NFIB: variants seen among roughly 807,000 people sequenced by gnomAD.
NFIB encodes the protein nuclear factor I B.
In NFIB, 11 loss-of-function variants were observed where a neutral mutation model predicts 61.5. The observed-to-expected ratio is 0.18, with a 90% CI of 0.11 to 0.30. The LOEUF is 0.30. Among genes scored for constraint, NFIB ranks in the 10% least tolerant of loss-of-function variants. The pLI, the probability that NFIB is intolerant of heterozygous loss-of-function variation, is 1.00. For synonymous variants in NFIB, 260 were observed against 216.5 expected, an observed-to-expected ratio of 1.20 and a Z score of -1.76; for missense variants, 471 against 608.9, an observed-to-expected ratio of 0.77 and a Z score of 2.38.
chr9:14,509,123 C>T, the NFIB span, among the ~76,000 whole-genome samples: 3 of 152,176 alleles, frequency 2.0e-5, no homozygotes, highest in East Asian at 3.9e-4. Flanking sequence ...TTGTGTTGGA[C>T]ACTGATGTTG....
At chr9:14,420,441 G>A in the NFIB span, among the ~76,000 whole-genome samples, 105 of 34,376 alleles carry the variant, frequency 3.1e-3, no homozygotes, top group Non-Finnish European at 3.9e-3. Flanking sequence ...GCGAGACTCC[G>A]TCTCAAAAAA....
At chr9:14,228,851 C>T (rs929128400) in intron 2 of NFIB, among the ~76,000 whole-genome samples, 5 of 152,062 alleles carry the variant, frequency 3.3e-5, no homozygotes, top group African/African-American at 9.7e-5. Flanking sequence ...AATTTAATGC[C>T]ATGTTCCAGG....
upstream of NFIB, among the ~76,000 whole-genome samples, chr9:14,403,133 T>C (rs1209384888): frequency 6.6e-6 from 1 of 152,202 alleles, no homozygotes; most frequent in Non-Finnish European, 1.5e-5. Context: ...TTCTTGCACC[T>C]TTATCCCAGC....
chr9:14,093,940 T>C (rs561898081), intron 10 of NFIB, among the ~76,000 whole-genome samples: 66 of 152,264 alleles, frequency 4.3e-4, no homozygotes, highest in African/African-American at 1.4e-3. Flanking sequence ...CTAGCACTTA[T>C]ATAATGTGTA....
upstream of NFIB, among the ~76,000 whole-genome samples, chr9:14,402,959 A>C (rs1269586577): frequency 1.3e-5 from 2 of 152,234 alleles, no homozygotes; most frequent in East Asian, 3.8e-4. Flanking sequence ...TCCAGTGCTT[A>C]CTCAAATATG....
chr9:14,517,354 C>T, the NFIB span, among the ~76,000 whole-genome samples: 2 of 152,208 alleles, frequency 1.3e-5, no homozygotes, highest in Non-Finnish European at 2.9e-5. Flanking sequence ...TACCTGCTTT[C>T]TGTACCCTTT....
the NFIB span, among the ~76,000 whole-genome samples, chr9:14,435,815 C>T: frequency 1.3e-5 from 2 of 152,206 alleles, no homozygotes; most frequent in East Asian, 3.8e-4. Flanking sequence ...GTTAAAACCT[C>T]ATCGGCCTCA....
upstream of NFIB, among the ~76,000 whole-genome samples, chr9:14,318,932 T>TA (rs2060602103): frequency 6.6e-6 from 1 of 152,150 alleles, no homozygotes; most frequent in Non-Finnish European, 1.5e-5. Context: ...CTACTACTCT[T>TA]AAACAAAAAA....
chr9:14,531,202 T>G, the NFIB span, among the ~76,000 whole-genome samples: 2 of 152,300 alleles, frequency 1.3e-5, no homozygotes, highest in African/African-American at 4.8e-5. Flanking sequence ...TGTTAAAAGT[T>G]GAGTCACAGG....
At chr9:14,470,640 G>A in the NFIB span, among the ~76,000 whole-genome samples, 1 of 152,126 alleles carries the variant, frequency 6.6e-6, no homozygotes, top group Non-Finnish European at 1.5e-5. Context: ...GAGGGCACGA[G>A]CAGACACGCA....
chr9:14,161,835 A>G (rs1479404880), intron 3 of NFIB, among the ~76,000 whole-genome samples: 1 of 152,162 alleles, frequency 6.6e-6, no homozygotes, highest in Admixed American at 6.6e-5. Context: ...AACTCTTTTA[A>G]AACTCTTGGT....
At chr9:14,133,209 CAAAAACTCTGAATATTG>C (rs1470909531) in intron 6 of NFIB, among the ~76,000 whole-genome samples, 1 of 151,938 alleles carries the variant, frequency 6.6e-6, no homozygotes, top group Non-Finnish European at 1.5e-5. Context: ...TCTAGATAAA[CAAAAACTCTGAATATTG>C]AAAACCTCTT....
At chr9:14,206,094 C>A (rs993243618) in intron 2 of NFIB, among the ~76,000 whole-genome samples, 1 of 151,924 alleles carries the variant, frequency 6.6e-6, no homozygotes, top group African/African-American at 2.4e-5. Flanking sequence ...TAATAATGGG[C>A]CACTCTTAAC....
At chr9:14,373,720 A>T (rs933522474) in intron 1 of NFIB, among the ~76,000 whole-genome samples, 14 of 151,736 alleles carry the variant, frequency 9.2e-5, no homozygotes, top group African/African-American at 3.4e-4. Flanking sequence ...GTGAAAAGGA[A>T]CACCTGAAGT....
chr9:14,093,771 G>A (rs1314467818), intron 10 of NFIB, among the ~76,000 whole-genome samples: 3 of 152,060 alleles, frequency 2.0e-5, no homozygotes, highest in Non-Finnish European at 1.5e-5. Context: ...GTACATGGGT[G>A]CATTCGGACT....
At chr9:14,249,556 C>T (rs1253105058) in intron 2 of NFIB, among the ~76,000 whole-genome samples, 1 of 151,920 alleles carries the variant, frequency 6.6e-6, no homozygotes, top group Non-Finnish European at 1.5e-5. Context: ...TTGTTTTCTC[C>T]CATTATCTTA....
the NFIB span, among the ~76,000 whole-genome samples, chr9:14,519,008 A>G: frequency 2.6e-5 from 4 of 152,104 alleles, no homozygotes; most frequent in African/African-American, 9.7e-5. Flanking sequence ...TGTGGGTGAA[A>G]TCATCTTTGA....
rs2060368735 is a variant in NFIB at position 14,313,211 on chromosome 9, G to A, written c.30+271C>T. 6.6e-6 allele frequency among the ~76,000 whole-genome samples: 1 copy of A among 151,950 alleles called. No individual in the cohort carries two copies. The highest frequency in any genetic ancestry group is 2.1e-4 in the South Asian group (1 of 4,824). ...GCCGCACGGGGCCTCGCACTTACAG[G>A]TCCCGGCCCTGCCCACCCCCCGGCG... On this transcript the variant is annotated intron_variant, in intron 1 of 10. Coordinates refer to ENST00000380953, the MANE Select transcript of NFIB (RefSeq NM_001190737.2). The surrounding 1 kb of genome is among the most constrained non-coding windows in gnomAD (Gnocchi z 4.5).
intron 3 of NFIB, among the ~76,000 whole-genome samples, chr9:14,169,367 T>A (rs1232272743): frequency 6.6e-6 from 1 of 152,056 alleles, no homozygotes; most frequent in Non-Finnish European, 1.5e-5. Context: ...AATTAAAATA[T>A]CTCAGCAAAA....
Sources: allele counts gnomAD v4.1 joint callset (sites outside exome capture counted in the v4.1 genomes callset), GRCh38; gene constraint gnomAD v4.1.1; non-coding constraint Gnocchi (gnomAD v3.1); transcripts MANE v1.5; gene names NCBI Gene and HGNC (gene_info 2026-07-23, HGNC 2026-07-21).